SRGAP2B: variants seen among roughly 807,000 people sequenced by gnomAD.
SRGAP2B encodes the protein SLIT-ROBO Rho GTPase activating protein 2B.
SRGAP2B carries 9 observed loss-of-function variants against 22.2 expected under a neutral mutation model. That is an observed-to-expected ratio of 0.41 (90% CI 0.24 to 0.71). The LOEUF is 0.71. Among genes scored for constraint, SRGAP2B ranks in the 30% least tolerant of loss-of-function variants. The pLI is 0.35. For missense variants in SRGAP2B, 114 were observed against 235.8 expected (o/e 0.48, Z 3.38); for synonymous variants, 36 against 87.4 (o/e 0.41, Z 3.28).
intron 3 of SRGAP2B, chr1:144,965,093 A>T: frequency 7.7e-7 from 1 of 1,291,238 alleles, no homozygotes; most frequent in Non-Finnish European, 1.1e-6. Flanking sequence ...AGGATAGTTT[A>T]GAAGGATGCT....
Position 144,957,044 on chromosome 1 carries a change from G to A in SRGAP2B, c.261-1443C>T, listed in dbSNP as rs1430508836. Among the ~76,000 whole-genome samples the A allele has an allele frequency of 1.8e-3, 271 of 150,672 alleles. 2 individuals carry two copies. The highest frequency in any genetic ancestry group is 3.4e-3 in the Non-Finnish European group (232 of 67,900). On this transcript the variant is annotated intron_variant, in intron 3 of 9. Coordinates refer to ENST00000612199, the Ensembl canonical transcript of SRGAP2B. The stretch of plus-strand genomic sequence containing the variant: ...AAAATTTTTAAACACTTTGCCCAAG[G>A]TCATATAGCTAAAAAGTGGCAATTC...
At chr1:145,044,810 C>T (rs1467335239) in intron 2 of SRGAP2B, among the ~76,000 whole-genome samples, 2 of 146,520 alleles carry the variant, frequency 1.4e-5, no homozygotes, top group Non-Finnish European at 3.0e-5. Context: ...TCCTGATGGG[C>T]CAAACCAACT....
intron 5 of SRGAP2B, among the ~76,000 whole-genome samples, chr1:144,907,028 CTG>C (rs1334475333): frequency 4.3e-5 from 6 of 140,186 alleles, no homozygotes; most frequent in African/African-American, 1.4e-4. Flanking sequence ...CTGCTCTACT[CTG>C]TGGGAACTTT....
At chr1:144,904,093 T>C (rs1225773209) in intron 7 of SRGAP2B, among the ~76,000 whole-genome samples, 1 of 146,354 alleles carries the variant, frequency 6.8e-6, no homozygotes, top group Non-Finnish European at 1.5e-5. Flanking sequence ...CTTTCCTCAA[T>C]CCCCTTTGCA....
intron 4 of SRGAP2B, among the ~76,000 whole-genome samples, chr1:144,932,530 T>C (rs1553605829): frequency 1.3e-5 from 2 of 150,128 alleles, no homozygotes; most frequent in Non-Finnish European, 2.9e-5. Flanking sequence ...TGCAGACCTT[T>C]TGGGTAAACC....
At chr1:144,965,002 G>C in intron 3 of SRGAP2B, 3 of 1,405,068 alleles carry the variant, frequency 2.1e-6, no homozygotes, top group Non-Finnish European at 3.0e-6. Flanking sequence ...CGCCCCGCCG[G>C]TTCCTCACCC....
chr1:144,944,480 G>C (rs1260159889), intron 4 of SRGAP2B, among the ~76,000 whole-genome samples: 16 of 144,506 alleles, frequency 1.1e-4, no homozygotes, highest in Non-Finnish European at 3.0e-5. Flanking sequence ...TCAGACACAT[G>C]AGAAGCTGAG....
At chr1:144,909,715 T>G (rs1235620829) in intron 5 of SRGAP2B, among the ~76,000 whole-genome samples, 17 of 150,500 alleles carry the variant, frequency 1.1e-4, no homozygotes, top group Admixed American at 9.9e-4. Flanking sequence ...AAGGTTCAGC[T>G]GAGGATACGG....
intron 3 of SRGAP2B, among the ~76,000 whole-genome samples, chr1:144,994,786 T>C: frequency 6.7e-6 from 1 of 150,274 alleles, no homozygotes; most frequent in Non-Finnish European, 1.5e-5. Flanking sequence ...ATAAACAAGT[T>C]TGCTGTTATT....
At chr1:145,076,176 A>G (rs1435561231) in intron 2 of SRGAP2B, among the ~76,000 whole-genome samples, 1 of 150,038 alleles carries the variant, frequency 6.7e-6, no homozygotes, top group African/African-American at 2.5e-5. Flanking sequence ...CAATCTTGCC[A>G]TTACAAAAAA....
chr1:144,911,954 T>C lies in SRGAP2B; in HGVS notation c.486+2738A>G, dbSNP rs1421782062. 6.7e-5 allele frequency among the ~76,000 whole-genome samples: 9 copies of C among 134,074 alleles called. No individual in the cohort carries two copies. The East Asian group carries it at 8.4e-4, about 12-fold the overall frequency. 88.0% of individuals were successfully genotyped at this position (134,074 alleles called of 152,430 possible). A position where few individuals can be genotyped will look rare whatever the true frequency, so the allele number is the denominator to read the frequency against. On this transcript the variant is annotated intron_variant, in intron 5 of 9. Transcript: ENST00000612199. ...CTTTCTCTTTTTTTCCTTTTTCTTT[T>C]TTTTTTTTTTTTTTGAGACAGAGTC...
Position 145,013,031 on chromosome 1 carries a change from C to T in SRGAP2B, c.68-17831G>A, listed in dbSNP as rs1252989713. Among the ~76,000 whole-genome samples, 8 of 150,488 alleles carry T rather than the reference C, an allele frequency of 5.3e-5. 2 individuals are homozygous for T. Among genetic ancestry groups the T allele is most frequent in the South Asian group, 2.1e-4 (1 of 4,794 alleles). ...CCACAAGGCAAAGATTGCACTGAGC[C>T]GAGATCACACCGCTGCACTCCAGCC... On this transcript the variant is annotated intron_variant, in intron 2 of 9. Coordinates refer to ENST00000612199, the Ensembl canonical transcript of SRGAP2B.
intron 4 of SRGAP2B, among the ~76,000 whole-genome samples, chr1:144,932,139 C>CA (rs1665234233): frequency 6.7e-6 from 1 of 148,204 alleles, no homozygotes; most frequent in Non-Finnish European, 1.5e-5. Context: ...GTAGTTATCG[C>CA]AAAAAGAAAA....
In SRGAP2B at chr1:145,064,340, G is replaced by C. The variant is rs1361780222; in HGVS notation, c.67+28495C>G. Among the ~76,000 whole-genome samples the C allele has an allele frequency of 3.3e-5, 5 of 149,284 alleles. 1 individual carries two copies. The South Asian group carries it at 6.3e-4, about 19-fold the overall frequency. On this transcript the variant is annotated intron_variant, in intron 2 of 9. Coordinates refer to ENST00000612199, the Ensembl canonical transcript of SRGAP2B. ...CCCCTGCAGGGGAAAGAAGATGGCAGTAAGGTCAAGGAATCAACATCAAGG... is the reference window on the plus strand; with the variant it reads ...CCCCTGCAGGGGAAAGAAGATGGCACTAAGGTCAAGGAATCAACATCAAGG...
intron 3 of SRGAP2B, among the ~76,000 whole-genome samples, chr1:144,965,857 A>G (rs1372616214): frequency 6.9e-6 from 1 of 144,194 alleles, no homozygotes; most frequent in African/African-American, 2.7e-5. Context: ...AAGCCTCAGG[A>G]GCCGATGCGA....
At chr1:144,902,954 AT>A (rs1344765211) in intron 7 of SRGAP2B, among the ~76,000 whole-genome samples, 10 of 56,882 alleles carry the variant, frequency 1.8e-4, no homozygotes, top group Middle Eastern at 6.0e-3. Flanking sequence ...AAGGTACAAA[AT>A]ACCTCGCTTC....
intron 4 of SRGAP2B, among the ~76,000 whole-genome samples, chr1:144,928,953 C>T (rs1488333092): frequency 6.7e-6 from 1 of 148,436 alleles, no homozygotes; most frequent in African/African-American, 2.6e-5. Flanking sequence ...CCTCCATACC[C>T]TCTCCAAAAC....
intron 2 of SRGAP2B, among the ~76,000 whole-genome samples, chr1:144,995,920 G>A (rs1670641336): frequency 2.0e-5 from 3 of 150,668 alleles, no homozygotes; most frequent in Non-Finnish European, 4.4e-5. Context: ...AAGAAGACTT[G>A]GAAAGAGATT....
intron 5 of SRGAP2B, among the ~76,000 whole-genome samples, chr1:144,907,296 CTG>C (rs1321830540): frequency 2.0e-5 from 3 of 150,454 alleles, no homozygotes; most frequent in African/African-American, 7.4e-5. Flanking sequence ...GTGAAAGACA[CTG>C]TTATTATTTC....
Sources: gnomAD v4.1 joint callset for allele counts (sites outside exome capture counted in the v4.1 genomes callset) on GRCh38, gnomAD v4.1.1 for gene constraint, MANE v1.5 for transcripts, NCBI Gene and HGNC (gene_info 2026-07-23, HGNC 2026-07-21) for gene names.